Variants in CNTN1 observed in about 807,000 individuals in gnomAD.
The protein encoded by CNTN1 is contactin-1.
A neutral mutation model predicts 126.4 loss-of-function variants in CNTN1; 38 were observed. The observed-to-expected ratio is 0.30, with a 90% CI of 0.23 to 0.39. CNTN1 has a LOEUF of 0.39. Among genes scored for constraint, CNTN1 ranks in the 10% least tolerant of loss-of-function variants. The pLI is 1.00. For synonymous variants in CNTN1, 413 were observed against 422.6 expected (o/e 0.98, Z 0.28); for missense variants, 1,009 against 1,248.4 (o/e 0.81, Z 2.89).
At chr12:41,047,095 C>T (rs1279376971) in intron 23 of CNTN1, among the ~76,000 whole-genome samples, 2 of 151,944 alleles carry the variant, frequency 1.3e-5, no homozygotes, top group Admixed American at 6.6e-5. Flanking sequence ...CCTTTGCATT[C>T]CCATCCCCCT....
chr12:40,760,696 G>GA (rs1230220896), intron 1 of CNTN1, among the ~76,000 whole-genome samples: 1 of 151,968 alleles, frequency 6.6e-6, no homozygotes, highest in Non-Finnish European at 1.5e-5. Context: ...ATGGTTCAAT[G>GA]AAAAAATACA....
intron 1 of CNTN1, among the ~76,000 whole-genome samples, chr12:40,696,837 C>T (rs1363475166): frequency 1.3e-5 from 2 of 152,016 alleles, no homozygotes; most frequent in East Asian, 1.9e-4. Context: ...CACCAAATTC[C>T]GCAGTACAAA....
chr12:40,707,227 CTTTT>C (rs370984371), intron 1 of CNTN1, among the ~76,000 whole-genome samples: 7 of 109,170 alleles, frequency 6.4e-5, no homozygotes, highest in African/African-American at 2.3e-4. Flanking sequence ...TTTTCTTTTT[CTTTT>C]TTTTTTTTTT....
At chr12:40,965,476 T>C (rs1043154180) in intron 15 of CNTN1, among the ~76,000 whole-genome samples, 2 of 152,208 alleles carry the variant, frequency 1.3e-5, no homozygotes, top group Non-Finnish European at 2.9e-5. Context: ...TTTTACTAAA[T>C]AGTAAAAGTT....
chr12:40,699,224 T>C (rs1445140408), intron 1 of CNTN1, among the ~76,000 whole-genome samples: 3 of 152,236 alleles, frequency 2.0e-5, no homozygotes, highest in South Asian at 2.1e-4. Context: ...ATAGAGTTGA[T>C]ACTTAATAAA....
chr12:41,047,968 T>A (rs1377125670), intron 23 of CNTN1, among the ~76,000 whole-genome samples: 1 of 152,110 alleles, frequency 6.6e-6, no homozygotes, highest in Non-Finnish European at 1.5e-5. Flanking sequence ...TCTGTGTCCC[T>A]TACCTTCCTT....
intron 17 of CNTN1, among the ~76,000 whole-genome samples, chr12:41,005,831 A>G (rs1365570413): frequency 2.6e-5 from 4 of 152,050 alleles, no homozygotes; most frequent in Non-Finnish European, 5.9e-5. Context: ...TTGTTTTATA[A>G]TTATTTTTAG....
chr12:41,049,413 A>G (rs2121012980), intron 23 of CNTN1, among the ~76,000 whole-genome samples: 1 of 152,344 alleles, frequency 6.6e-6, no homozygotes, highest in South Asian at 2.1e-4. Flanking sequence ...ATCTCAATAA[A>G]GTATCTCCAA....
chr12:40,807,682 T>G (rs371621044), intron 1 of CNTN1, among the ~76,000 whole-genome samples: 1 of 152,194 alleles, frequency 6.6e-6, no homozygotes, highest in Non-Finnish European at 1.5e-5. Context: ...TTTTCTGTTC[T>G]TATGTTTCTT....
intron 1 of CNTN1, among the ~76,000 whole-genome samples, chr12:40,706,995 G>A (rs1330057218): frequency 6.6e-5 from 10 of 151,918 alleles, no homozygotes. Context: ...TGGAGTTAAT[G>A]CTTGTGCTTC....
chr12:41,014,427 T>G (rs1948735010), intron 18 of CNTN1, 129 bp downstream of exon 18: 1 of 938,150 alleles, frequency 1.1e-6, no homozygotes, highest in African/African-American at 1.7e-5. Flanking sequence ...ATATTACTAT[T>G]TTTTTTTCTT....
At chr12:40,851,191 C>G (rs11178754) in intron 1 of CNTN1, among the ~76,000 whole-genome samples, 7,047 of 152,230 alleles carry the variant, frequency 0.046, 355 homozygotes, top group African/African-American at 0.13. Flanking sequence ...AACAGAGTTT[C>G]CATGTGCTCT....
intron 1 of CNTN1, among the ~76,000 whole-genome samples, chr12:40,741,028 C>T (rs1055405024): frequency 3.3e-5 from 5 of 152,022 alleles, no homozygotes; most frequent in African/African-American, 1.2e-4. Context: ...CTGGCCATTT[C>T]TCACTGCCTG....
At position 41,070,319 on chromosome 12, in the gene CNTN1, A is replaced by T. The variant is rs1950135378; in HGVS notation, c.*284A>T. The T allele has an allele frequency of 2.1e-6, 1 of 467,786 alleles. No homozygotes were observed. The highest frequency in any genetic ancestry group is 2.1e-5 in the South Asian group (1 of 48,114). 29.0% of individuals were successfully genotyped at this position (467,786 alleles called of 1,614,324 possible). A position where few individuals can be genotyped will look rare whatever the true frequency, so the allele number is the denominator to read the frequency against. On this transcript the variant is annotated 3_prime_UTR_variant, in exon 24 of 24. Coordinates refer to ENST00000551295, the MANE Select transcript of CNTN1 (RefSeq NM_001843.4). ...CTGTGACAGTTGCATGATTTAACCC[A>T]ATGGGACAAGTTACAGTGTTCAATT...
At chr12:40,798,035 T>G (rs1020866020) in intron 1 of CNTN1, among the ~76,000 whole-genome samples, 18 of 151,948 alleles carry the variant, frequency 1.2e-4, no homozygotes, top group Admixed American at 8.5e-4. Context: ...GAAAAGAAAT[T>G]TGGACTGGAG....
chr12:40,707,227 CTTTTTTTTTTTTTTTT>C (rs370984371), intron 1 of CNTN1, among the ~76,000 whole-genome samples: 8 of 109,164 alleles, frequency 7.3e-5, no homozygotes, highest in African/African-American at 1.2e-4. Context: ...TTTTCTTTTT[CTTTTTTTTTTTTTTTT>C]TTTTTTTTTT....
chr12:40,836,461 A>C (rs1406319595), intron 1 of CNTN1, among the ~76,000 whole-genome samples: 1 of 151,920 alleles, frequency 6.6e-6, no homozygotes, highest in African/African-American at 2.4e-5. Flanking sequence ...TCTTTTATGT[A>C]CAATGGTTAT....
intron 1 of CNTN1, among the ~76,000 whole-genome samples, chr12:40,841,837 G>A (rs1320154422): frequency 2.0e-5 from 3 of 151,938 alleles, no homozygotes; most frequent in Admixed American, 6.6e-5. Context: ...AAGGGGAAAC[G>A]CAGAAAGCCT....
chr12:41,023,155 T>C (rs1166720417), intron 20 of CNTN1, among the ~76,000 whole-genome samples: 3 of 151,986 alleles, frequency 2.0e-5, no homozygotes, highest in African/African-American at 7.3e-5. Flanking sequence ...CCCATGAAAA[T>C]GTACGATGGA....
Sources: gnomAD v4.1 joint callset for allele counts (sites outside exome capture counted in the v4.1 genomes callset) on GRCh38, gnomAD v4.1.1 for gene constraint, MANE v1.5 for transcripts, NCBI Gene and HGNC (gene_info 2026-07-23, HGNC 2026-07-21) for gene names.